Variants in FNBP4 observed in about 807,000 individuals in gnomAD.
FNBP4 encodes formin-binding protein 4.
In FNBP4, 34 loss-of-function variants were observed where a neutral mutation model predicts 119.3. The observed-to-expected ratio is 0.28, with a 90% confidence interval of 0.22 to 0.38. FNBP4 has a LOEUF of 0.38. Ranked by LOEUF, FNBP4 falls within the 10% of genes least tolerant of loss-of-function variation. FNBP4 has a pLI of 1.00. For synonymous variants in FNBP4, 462 were observed against 430.6 expected (o/e 1.07, Z -0.90); for missense variants, 1,112 against 1,228.9 (o/e 0.90, Z 1.42).
At chr11:47,736,804 TC>T in intron 8 of FNBP4, 64 bp from the exon 9 acceptor site, 13 of 1,389,098 alleles carry the variant, frequency 9.4e-6, no homozygotes, top group Non-Finnish European at 1.2e-5. Flanking sequence ...ATATACCTTT[TC>T]CCCCATAGCA....
intron 8 of FNBP4, among the ~76,000 whole-genome samples, chr11:47,738,960 C>T (rs554957859): frequency 4.0e-5 from 6 of 149,844 alleles, no homozygotes; most frequent in Non-Finnish European, 7.4e-5. Flanking sequence ...CCACCTCAGC[C>T]TCCCAAACCG....
chr11:47,752,942 T>C lies in FNBP4; in HGVS notation c.611A>G (p.Tyr204Cys), dbSNP rs1447127482. Reference sequence around the variant, plus strand: ...TCCTGCCAGTGAACACTGAGTATCATATTGCCAACCAGATGTTTGGGTGGA... The same window carrying C: ...TCCTGCCAGTGAACACTGAGTATCACATTGCCAACCAGATGTTTGGGTGGA... ...TDSTQTSGWQ[Y>C]DTQCSLAGVG... Residue 204 changes from tyrosine to cysteine, a missense_variant, in exon 4 of 17, where the codon TAT becomes TGT. By Grantham distance (194) the Tyr-to-Cys change is radical. Around this residue, in one of 2 missense-constraint regions of FNBP4, gnomAD observed 826 missense variants for 988.8 expected, o/e 0.84. Coordinates refer to ENST00000263773, the MANE Select transcript of FNBP4 (RefSeq NM_015308.5). 3 of 1,613,776 alleles carry C rather than the reference T, an allele frequency of 1.9e-6. No homozygotes were observed. In the South Asian group the frequency reaches 3.3e-5, roughly 18 times the overall value.
chr11:47,766,067 C>A (rs924223177), intron 1 of FNBP4, among the ~76,000 whole-genome samples: 3 of 151,994 alleles, frequency 2.0e-5, no homozygotes, highest in Non-Finnish European at 2.9e-5. Context: ...ATCTGCATGG[C>A]CGGGCGCGAT....
At chr11:47,729,113 A>G (rs1332030808) in intron 12 of FNBP4, 1 of 967,804 alleles carries the variant, frequency 1.0e-6, no homozygotes, top group Non-Finnish European at 1.2e-6. Context: ...CAGCCCCCCA[A>G]AGTATTGGGA....
rs71045510 is a variant in FNBP4, at chr11:47,738,847, A to ATTTTTTTTTTT, written c.1457-2118_1457-2108dup. Reference sequence around the variant, plus strand: ...AGGTGTTTGCCACCATGCCCAGGTAATTTTTTTTTTTTTTTTTTTTTTTTT... The same window carrying ATTTTTTTTTTT: ...AGGTGTTTGCCACCATGCCCAGGTAATTTTTTTTTTTTTTTTTTTTTTTTTTTTTTTTTTTT... On this transcript the variant is annotated intron_variant, in intron 8 of 16. Coordinates refer to ENST00000263773, the MANE Select transcript of FNBP4 (RefSeq NM_015308.5). 4.3e-4 allele frequency among the ~76,000 whole-genome samples: 48 copies of ATTTTTTTTTTT among 110,972 alleles called. 8 individuals are homozygous for ATTTTTTTTTTT. Among genetic ancestry groups the ATTTTTTTTTTT allele is most frequent in the East Asian group, 1.1e-3 (4 of 3,562 alleles). The allele number at this position is 110,972 out of a possible 152,430, so 72.8% of individuals were successfully genotyped here. A position where few individuals can be genotyped will look rare whatever the true frequency, so the allele number is the denominator to read the frequency against.
chr11:47,766,963 C>CG, intron 1 of FNBP4, 106 bp downstream of exon 1: 1 of 1,395,878 alleles, frequency 7.2e-7, no homozygotes, highest in Non-Finnish European at 9.2e-7. Flanking sequence ...AGGCAGGCCT[C>CG]GGAAGCCGAC....
At chr11:47,722,701 C>A (rs2097557190) in intron 15 of FNBP4, among the ~76,000 whole-genome samples, 1 of 152,138 alleles carries the variant, frequency 6.6e-6, no homozygotes, top group African/African-American at 2.4e-5. Flanking sequence ...AGCGATTCTC[C>A]TGCCTCAGCC....
chr11:47,765,851 CT>C (rs1167976570), intron 1 of FNBP4, among the ~76,000 whole-genome samples: 36 of 82,194 alleles, frequency 4.4e-4, no homozygotes, highest in African/African-American at 1.2e-3. Context: ...GAGCTGGAAT[CT>C]TTTTTTTTTT....
intron 4 of FNBP4, 54 bp from the exon 5 acceptor site, chr11:47,751,344 T>C (rs1428039821): frequency 2.5e-6 from 4 of 1,601,820 alleles, no homozygotes; most frequent in African/African-American, 2.7e-5. Flanking sequence ...CTGGCTTACA[T>C]ATAAGCTCAA....
chr11:47,762,265 G>T (rs1430427457), intron 2 of FNBP4, among the ~76,000 whole-genome samples: 1 of 151,736 alleles, frequency 6.6e-6, no homozygotes, highest in Non-Finnish European at 1.5e-5. Flanking sequence ...ACGAGTAGCT[G>T]GGACTACAGG....
At chr11:47,736,501 A>G in intron 9 of FNBP4, 115 bp downstream of exon 9, 1 of 760,138 alleles carries the variant, frequency 1.3e-6, no homozygotes, top group Non-Finnish European at 2.0e-6. Context: ...CAGAGGTTGC[A>G]GTGAGCTGAG....
rs895277212 is a variant in FNBP4 at position 47,734,149 on chromosome 11, A to T, written c.1582-20T>A. On this transcript the variant is annotated intron_variant, in intron 9 of 16. Transcript: ENST00000263773. ...CTGAAACTACAATGCAAAAAAGAAA[A>T]AAAGTAAAACTAGAATCCGTAACAT... 7.1e-7 allele frequency: 1 copy of T among 1,399,078 alleles called. No homozygotes were observed. Among genetic ancestry groups the T allele is most frequent in the Non-Finnish European group, 9.9e-7 (1 of 1,014,498 alleles). 86.7% of individuals were successfully genotyped at this position (1,399,078 alleles called of 1,614,324 possible).
chr11:47,753,317 TAAAA>T (rs1565157787), intron 3 of FNBP4, among the ~76,000 whole-genome samples: 1 of 151,516 alleles, frequency 6.6e-6, no homozygotes, highest in Non-Finnish European at 1.5e-5. Context: ...CTACTAAAAA[TAAAA>T]AAAATTAGGC....
intron 15 of FNBP4, among the ~76,000 whole-genome samples, chr11:47,721,192 G>A (rs1393587090): frequency 6.6e-6 from 1 of 151,164 alleles, no homozygotes; most frequent in African/African-American, 2.4e-5. Context: ...GTGGTGGTGG[G>A]CGCCTGTAGT....
In FNBP4 at chr11:47,720,097, G is replaced by C; in HGVS notation, c.2806-11C>G. The stretch of plus-strand genomic sequence containing the variant: ...CTTACTCTTCTTTGCCTGTAACAAA[G>C]GTTAAAGGTCAAAAGGAATAGAAAA... On this transcript the variant is annotated splice_polypyrimidine_tract_variant and intron_variant, in intron 15 of 16. Coordinates refer to ENST00000263773, the MANE Select transcript of FNBP4 (RefSeq NM_015308.5). The C allele has an allele frequency of 6.2e-7, 1 of 1,608,844 alleles. No homozygotes were observed. Among genetic ancestry groups the C allele is most frequent in the Non-Finnish European group, 8.5e-7 (1 of 1,177,148 alleles).
In FNBP4 at chr11:47,732,285, C is replaced by A; in HGVS notation, c.1820+252G>T. The A allele has an allele frequency of 7.4e-7, 1 of 1,347,762 alleles. No individual in the cohort carries two copies. The highest frequency in any genetic ancestry group is 9.6e-7 in the Non-Finnish European group (1 of 1,047,000). The allele number at this position is 1,347,762 out of a possible 1,614,324, so 83.5% of individuals were successfully genotyped here. A position where few individuals can be genotyped will look rare whatever the true frequency, so the allele number is the denominator to read the frequency against. On this transcript the variant is annotated intron_variant, in intron 11 of 16. Coordinates refer to ENST00000263773, the MANE Select transcript of FNBP4 (RefSeq NM_015308.5). The surrounding 1 kb of genome is among the most constrained non-coding windows in gnomAD (Gnocchi z 4.2). ...AGCCCGCCCTACTCCGTGCAACACT[C>A]TGGAGAGTAAAAACCAGCTTTGTCC...
chr11:47,743,701 C>A, intron 8 of FNBP4: 1 of 486,716 alleles, frequency 2.1e-6, no homozygotes, highest in Non-Finnish European at 3.7e-6. Context: ...GCAACGTAGA[C>A]AGAGAGAAGA....
In FNBP4 at chr11:47,758,344, A is replaced by G. The variant is rs1031488760; in HGVS notation, c.314-3680T>C. ...TCCTGCCTCAGTCTCCCATGTAGCT[A>G]GGACTACAGGCCTACGCCACCACAC... On this transcript the variant is annotated intron_variant, in intron 2 of 16. Coordinates refer to ENST00000263773, the MANE Select transcript of FNBP4 (RefSeq NM_015308.5). Among the ~76,000 whole-genome samples, 12 of 152,256 alleles carry G rather than the reference A, an allele frequency of 7.9e-5. No homozygotes were observed. In the East Asian group the frequency reaches 9.7e-4, roughly 12 times the overall value.
chr11:47,737,643 T>C (rs1480624959), intron 8 of FNBP4, among the ~76,000 whole-genome samples: 1 of 152,048 alleles, frequency 6.6e-6, no homozygotes, highest in Non-Finnish European at 1.5e-5. Context: ...TTTCACCATG[T>C]TGCCCAGGCT....
Sources: allele counts gnomAD v4.1 joint callset (sites outside exome capture counted in the v4.1 genomes callset), GRCh38; gene constraint gnomAD v4.1.1; regional missense constraint gnomAD v4.1.1; non-coding constraint Gnocchi (gnomAD v3.1); transcripts MANE v1.5; gene names NCBI Gene and HGNC (gene_info 2026-07-23, HGNC 2026-07-21).